The following UBE2W variants were observed in gnomAD, a reference collection of about 807,000 sequenced individuals.
UBE2W encodes the protein ubiquitin conjugating enzyme E2 W.
A neutral mutation model predicts 27.2 loss-of-function variants in UBE2W; 18 were observed. The observed-to-expected ratio is 0.66, with a 90% confidence interval of 0.46 to 0.98. The LOEUF is 0.98. Among genes scored for constraint, UBE2W ranks in the 50% least tolerant of loss-of-function variants. The probability of loss-of-function intolerance (pLI) is 0.00; values close to 1 mark genes in which losing one functional copy is unlikely to be tolerated. For synonymous variants in UBE2W, 53 were observed against 57.2 expected, an observed-to-expected ratio of 0.93 and a Z score of 0.33; for missense variants, 90 against 180.2, an observed-to-expected ratio of 0.50 and a Z score of 2.87.
In UBE2W at chr8:73,792,892, A is replaced by G. The variant is rs1438875587; in HGVS notation, c.*1210T>C. On this transcript the variant is annotated 3_prime_UTR_variant, in exon 6 of 6. Transcript: ENST00000602593. ...AAAAACTATATGGCTGTGTGAGACAAATAAGCAACCATTTGATAGTGACTT... is the reference window on the plus strand; with the variant it reads ...AAAAACTATATGGCTGTGTGAGACAGATAAGCAACCATTTGATAGTGACTT... The G allele has an allele frequency of 2.0e-6, 2 of 985,636 alleles. No homozygotes were observed. Among genetic ancestry groups the G allele is most frequent in the Admixed American group, 1.2e-4 (2 of 16,252 alleles). 61.1% of individuals were successfully genotyped at this position (985,636 alleles called of 1,614,324 possible). A position where few individuals can be genotyped will look rare whatever the true frequency, so the allele number is the denominator to read the frequency against.
At chr8:73,876,547 GA>G (rs1279857750) in intron 1 of UBE2W, among the ~76,000 whole-genome samples, 1 of 152,216 alleles carries the variant, frequency 6.6e-6, no homozygotes, top group Non-Finnish European at 1.5e-5. Context: ...AATAGAGAGT[GA>G]TAAGATTTCG....
chr8:73,826,454 A>G (rs917879947), intron 2 of UBE2W, among the ~76,000 whole-genome samples: 2 of 152,336 alleles, frequency 1.3e-5, no homozygotes, highest in Non-Finnish European at 2.9e-5. Context: ...AATACAAGAA[A>G]ACAAAAGGAA....
intron 5 of UBE2W, among the ~76,000 whole-genome samples, chr8:73,801,981 A>C (rs1808665065): frequency 6.6e-6 from 1 of 152,212 alleles, no homozygotes. Flanking sequence ...TGTGTAGTAG[A>C]ATTAATTTGA....
At chr8:73,819,985 C>CT (rs370135879) in intron 3 of UBE2W, among the ~76,000 whole-genome samples, 10 of 152,108 alleles carry the variant, frequency 6.6e-5, no homozygotes, top group South Asian at 2.1e-4. Flanking sequence ...ACTTTTCTTT[C>CT]TTTTTTTTAT....
intron 1 of UBE2W, among the ~76,000 whole-genome samples, chr8:73,869,205 T>C (rs1028179398): frequency 3.9e-5 from 6 of 151,906 alleles, no homozygotes; most frequent in Non-Finnish European, 7.4e-5. Flanking sequence ...GCAGGAGGGG[T>C]GCTGAGACTG....
At chr8:73,803,543 T>G (rs1371832408) in intron 5 of UBE2W, among the ~76,000 whole-genome samples, 1 of 152,152 alleles carries the variant, frequency 6.6e-6, no homozygotes, top group Non-Finnish European at 1.5e-5. Flanking sequence ...CCCAAACTTT[T>G]CAAACACCTA....
chr8:73,842,458 G>T (rs1016384986), intron 1 of UBE2W, among the ~76,000 whole-genome samples: 4 of 148,182 alleles, frequency 2.7e-5, no homozygotes, highest in Non-Finnish European at 5.9e-5. Context: ...GAACCCGGGA[G>T]GTGGAGCTTG....
chr8:73,797,972 G>C lies in UBE2W; in HGVS notation c.443-3857C>G, dbSNP rs370897309. Among the ~76,000 whole-genome samples, 316 of 152,270 alleles carry C rather than the reference G, an allele frequency of 2.1e-3. 2 individuals are homozygous for C. The South Asian group carries it at 0.04, about 19-fold the overall frequency. On this transcript the variant is annotated intron_variant, in intron 5 of 5. Coordinates refer to ENST00000602593, the MANE Select transcript of UBE2W (RefSeq NM_018299.6). The stretch of plus-strand genomic sequence containing the variant: ...CATGATGTTAAACAGTTAAAACTCT[G>C]TTTCATGCAAAAAATTATTTAAAAT...
At chr8:73,830,859 A>G (rs1039395239) in intron 1 of UBE2W, among the ~76,000 whole-genome samples, 2 of 152,218 alleles carry the variant, frequency 1.3e-5, no homozygotes, top group African/African-American at 4.8e-5. Context: ...TGAAATCATT[A>G]AATTTCCTCC....
chr8:73,792,131 C>A lies in UBE2W; in HGVS notation c.*1971G>T. ...GCAAAATATGAAAATACATAATTTA[C>A]AGCTGCAATTTTCATATTAAAAGCA... is the stretch of plus-strand genomic sequence containing the variant. On this transcript the variant is annotated 3_prime_UTR_variant, in exon 6 of 6. Coordinates refer to ENST00000602593, the MANE Select transcript of UBE2W (RefSeq NM_018299.6). The A allele has an allele frequency of 3.0e-6, 3 of 985,302 alleles. No individual in the cohort carries two copies. The highest frequency in any genetic ancestry group is 3.6e-6 in the Non-Finnish European group (3 of 829,794). 61.0% of individuals were successfully genotyped at this position (985,302 alleles called of 1,614,324 possible). A position where few individuals can be genotyped will look rare whatever the true frequency, so the allele number is the denominator to read the frequency against.
At chr8:73,824,015 A>G (rs985674416) in intron 3 of UBE2W, among the ~76,000 whole-genome samples, 24 of 152,302 alleles carry the variant, frequency 1.6e-4, no homozygotes, top group African/African-American at 5.8e-4. Flanking sequence ...ATTTGGTTGT[A>G]TTTTCCAGAA....
intron 4 of UBE2W, among the ~76,000 whole-genome samples, chr8:73,809,728 T>C (rs1331625519): frequency 6.6e-6 from 1 of 151,964 alleles, no homozygotes; most frequent in African/African-American, 2.4e-5. Context: ...TACAGGCATA[T>C]ACCATCACAC....
intron 5 of UBE2W, among the ~76,000 whole-genome samples, chr8:73,798,414 G>A (rs566325764): frequency 1.3e-5 from 2 of 152,262 alleles, no homozygotes; most frequent in South Asian, 4.1e-4. Flanking sequence ...AGCTCATTAT[G>A]TATATGCAAA....
At chr8:73,803,022 AAAATAAAT>A (rs548652584) in intron 5 of UBE2W, among the ~76,000 whole-genome samples, 1 of 151,072 alleles carries the variant, frequency 6.6e-6, no homozygotes, top group Non-Finnish European at 1.5e-5. Context: ...ACTCCGTCTC[AAAATAAAT>A]AAATAAATAA....
At chr8:73,812,861 T>C (rs965787964) in intron 3 of UBE2W, among the ~76,000 whole-genome samples, 4 of 151,444 alleles carry the variant, frequency 2.6e-5, no homozygotes, top group Admixed American at 2.6e-4. Context: ...AAAAATTAGC[T>C]GGGAGCGGTG....
At chr8:73,863,673 A>G (rs1260523966) in intron 1 of UBE2W, among the ~76,000 whole-genome samples, 1 of 151,680 alleles carries the variant, frequency 6.6e-6, no homozygotes, top group Non-Finnish European at 1.5e-5. Flanking sequence ...CAAAAGACTC[A>G]CTTGAACCTG....
rs1021308658 is a variant in UBE2W at position 73,795,878 on chromosome 8, T to TC, written c.443-1764dup. 12 of 577,104 alleles carry TC rather than the reference T, an allele frequency of 2.1e-5. No homozygotes were observed. In the Admixed American group the frequency reaches 2.5e-4, roughly 12 times the overall value. 35.7% of individuals were successfully genotyped at this position (577,104 alleles called of 1,614,324 possible). A position where few individuals can be genotyped will look rare whatever the true frequency, so the allele number is the denominator to read the frequency against. On this transcript the variant is annotated intron_variant, in intron 5 of 5. Transcript: ENST00000602593. ...GGATGGACTGCTTGGGCCCAGGAGTTCAAGACCAGCCTAGGCAATACGGCA... is the reference window on the plus strand; with the variant it reads ...GGATGGACTGCTTGGGCCCAGGAGTTCCAAGACCAGCCTAGGCAATACGGCA...
At chr8:73,818,085 G>A (rs1809466760) in intron 3 of UBE2W, among the ~76,000 whole-genome samples, 1 of 152,120 alleles carries the variant, frequency 6.6e-6, no homozygotes, top group Non-Finnish European at 1.5e-5. Context: ...AGTTCAAATA[G>A]GTTTTTCTTT....
chr8:73,830,334 C>A, intron 2 of UBE2W, 47 bp downstream of exon 2: 1 of 1,359,662 alleles, frequency 7.4e-7, no homozygotes, highest in South Asian at 1.2e-5. Flanking sequence ...AACATTCATA[C>A]ATTATTGGTA....
Sources: gnomAD v4.1 joint callset for allele counts (sites outside exome capture counted in the v4.1 genomes callset) on GRCh38, gnomAD v4.1.1 for gene constraint, MANE v1.5 for transcripts, NCBI Gene and HGNC (gene_info 2026-07-23, HGNC 2026-07-21) for gene names.